JPH1: variants seen among roughly 807,000 people sequenced by gnomAD.
JPH1 encodes the protein junctophilin 1, also known as junctophilin-1.
In JPH1, 12 loss-of-function variants were observed where a neutral mutation model predicts 53.6. The observed-to-expected ratio is 0.22, with a 90% confidence interval of 0.14 to 0.36. The LOEUF (loss-of-function observed/expected upper bound fraction) is 0.36, where lower values mean the gene tolerates loss of function less well. Among genes scored for constraint, JPH1 ranks in the 10% least tolerant of loss-of-function variants. The pLI is 1.00. For synonymous variants in JPH1, 375 were observed against 363.8 expected (o/e 1.03, Z -0.35); for missense variants, 808 against 905.5 (o/e 0.89, Z 1.38).
rs373541776 is a variant in JPH1 at position 74,321,481 on chromosome 8, TTCC to T, written c.-197_-195del. The T allele has an allele frequency of 0.037, 17,839 of 482,328 alleles. 742 individuals are homozygous for T. Among genetic ancestry groups the T allele is most frequent in the African/African-American group, 0.16 (7,979 of 48,612 alleles). 29.9% of individuals were successfully genotyped at this position (482,328 alleles called of 1,614,324 possible). On this transcript the variant is annotated 5_prime_UTR_variant, in exon 1 of 6. Coordinates refer to ENST00000342232, the MANE Select transcript of JPH1 (RefSeq NM_020647.4). This position sits in a 1 kb window ranked among gnomAD's most constrained non-coding sequence, Gnocchi z 4.3. The stretch of plus-strand genomic sequence containing the variant: ...CTCTTTTGCCGCCGCCACCGCCGCC[TTCC>T]TCCTCCTCCTCCTCCTCCTTCGCCG...
intron 2 of JPH1, among the ~76,000 whole-genome samples, chr8:74,308,209 T>C (rs1210496624): frequency 6.6e-6 from 1 of 152,224 alleles, no homozygotes; most frequent in Admixed American, 6.5e-5. Flanking sequence ...TAAGCTGACT[T>C]CCTGGAGTTT....
At chr8:74,279,289 A>T (rs913858575) in intron 2 of JPH1, among the ~76,000 whole-genome samples, 1 of 152,258 alleles carries the variant, frequency 6.6e-6, no homozygotes, top group Non-Finnish European at 1.5e-5. Flanking sequence ...AAATGTTGTC[A>T]ACAGTAATTT....
At chr8:74,240,179 C>T (rs1284704127) in intron 4 of JPH1, among the ~76,000 whole-genome samples, 1 of 152,028 alleles carries the variant, frequency 6.6e-6, no homozygotes, top group Admixed American at 6.5e-5. Flanking sequence ...ACCATGTTGG[C>T]CAGGCTGGTC....
At chr8:74,267,213 G>C (rs1470853103) in intron 2 of JPH1, among the ~76,000 whole-genome samples, 1 of 152,144 alleles carries the variant, frequency 6.6e-6, no homozygotes, top group African/African-American at 2.4e-5. Context: ...AACTGTGAGC[G>C]TCATGTCACA....
In JPH1 at chr8:74,321,314, CGCAGGGGCACGGACGCGG is replaced by C. The variant is rs1470755704; in HGVS notation, c.-45_-28del. 6.6e-7 allele frequency: 1 copy of C among 1,508,898 alleles called. No individual in the cohort carries two copies. The highest frequency in any genetic ancestry group is 2.1e-5 in the Admixed American group (1 of 47,736). The allele number at this position is 1,508,898 out of a possible 1,614,324, so 93.5% of individuals were successfully genotyped here. ...CGGGGGGCAGCCCCGGCGCGCTCCC[CGCAGGGGCACGGACGCGG>C]GCAGTGCTGGGCACGGCAGGGTGTA... On this transcript the variant is annotated 5_prime_UTR_variant, in exon 1 of 6. Coordinates refer to ENST00000342232, the MANE Select transcript of JPH1 (RefSeq NM_020647.4). This position sits in a 1 kb window ranked among gnomAD's most constrained non-coding sequence, Gnocchi z 4.3.
chr8:74,313,123 C>T lies in JPH1; in HGVS notation c.1139+1738G>A, dbSNP rs139935735. 3.6e-3 allele frequency among the ~76,000 whole-genome samples: 550 copies of T among 152,298 alleles called. 1 individual carries two copies. Among genetic ancestry groups the T allele is most frequent in the African/African-American group, 5.1e-3 (213 of 41,550 alleles). ...TTTGTTAAAGTGTTCTGCACAGGTT[C>T]ATTTTTCACCTCCCAAGACTGAGCT... On this transcript the variant is annotated intron_variant, in intron 2 of 5. Transcript: ENST00000342232.
At chr8:74,253,427 A>T (rs1240450669) in intron 3 of JPH1, among the ~76,000 whole-genome samples, 1 of 152,156 alleles carries the variant, frequency 6.6e-6, no homozygotes, top group East Asian at 1.9e-4. Context: ...CTAAATGCCC[A>T]CAAGAGAAAG....
chr8:74,302,151 A>T (rs16938862), intron 2 of JPH1, among the ~76,000 whole-genome samples: 1,635 of 152,334 alleles, frequency 0.011, 24 homozygotes, highest in East Asian at 0.098. Context: ...GCCAAAAGGT[A>T]TCACCCAAAT....
chr8:74,289,585 C>A (rs1421303489), intron 2 of JPH1, among the ~76,000 whole-genome samples: 1 of 152,196 alleles, frequency 6.6e-6, no homozygotes, highest in Non-Finnish European at 1.5e-5. Flanking sequence ...CCCATTTCTA[C>A]CTGCCTAAAT....
At chr8:74,248,944 T>C (rs538972062) in intron 3 of JPH1, among the ~76,000 whole-genome samples, 4 of 152,232 alleles carry the variant, frequency 2.6e-5, no homozygotes, top group African/African-American at 9.6e-5. Context: ...TCTGTTTTTA[T>C]AGACAGTATC....
intron 2 of JPH1, among the ~76,000 whole-genome samples, chr8:74,297,573 AC>A (rs75223865): frequency 0.092 from 14,044 of 152,248 alleles, 795 homozygotes; most frequent in East Asian, 0.19. Context: ...TCCCAGAGGT[AC>A]AGCCCCAGAC....
At position 74,237,231 on chromosome 8, in the gene JPH1, G is replaced by A. The variant is rs1807025719; in HGVS notation, c.1978C>T (p.Leu660=). The A allele has an allele frequency of 6.2e-7, 1 of 1,609,894 alleles. No individual in the cohort carries two copies. The highest frequency in any genetic ancestry group is 8.5e-7 in the Non-Finnish European group (1 of 1,176,544). The change falls in exon 5 of 6, where the codon CTA becomes TTA. Residue 660 remains leucine, a synonymous_variant. Transcript: ENST00000342232. ...ACCTTTCCTAATTCCAATCAAGTTA[G>A]AAAGTGAACAAAAAGAATGGCCAAC... The part of the protein sequence containing the change: ...IGLAILFVHF[L]T
chr8:74,298,353 A>G (rs1213284012), intron 2 of JPH1, among the ~76,000 whole-genome samples: 1 of 152,094 alleles, frequency 6.6e-6, no homozygotes, highest in South Asian at 2.1e-4. Context: ...TTCCTTTACA[A>G]ATTTCAAGGG....
chr8:74,321,335 A>ACGC lies in JPH1; in HGVS notation c.-49_-48insGCG. ...TCCCCGCAGGGGCACGGACGCGGGC[A>ACGC]GTGCTGGGCACGGCAGGGTGTAGCT... On this transcript the variant is annotated 5_prime_UTR_variant, in exon 1 of 6. Coordinates refer to ENST00000342232, the MANE Select transcript of JPH1 (RefSeq NM_020647.4). The surrounding 1 kb of genome is among the most constrained non-coding windows in gnomAD (Gnocchi z 4.3). 6 of 1,465,306 alleles carry ACGC rather than the reference A, an allele frequency of 4.1e-6. No individual in the cohort carries two copies. Among genetic ancestry groups the ACGC allele is most frequent in the Middle Eastern group, 2.2e-4 (1 of 4,456 alleles). 90.8% of individuals were successfully genotyped at this position (1,465,306 alleles called of 1,614,324 possible).
At chr8:74,291,839 T>C (rs963807156) in intron 2 of JPH1, among the ~76,000 whole-genome samples, 1 of 152,216 alleles carries the variant, frequency 6.6e-6, no homozygotes, top group Admixed American at 6.5e-5. Flanking sequence ...TGGAATACTA[T>C]GCAGCCATAA....
At chr8:74,313,740 G>A (rs1023706584) in intron 2 of JPH1, among the ~76,000 whole-genome samples, 2 of 152,072 alleles carry the variant, frequency 1.3e-5, no homozygotes, top group African/African-American at 2.4e-5. Context: ...TCAAAAGGGC[G>A]TTTACTTCTG....
intron 2 of JPH1, among the ~76,000 whole-genome samples, chr8:74,287,921 G>A (rs569730176): frequency 9.3e-5 from 14 of 151,234 alleles, no homozygotes; most frequent in African/African-American, 2.4e-4. Context: ...CATCTATGTC[G>A]TTTTCAATAC....
At position 74,320,887 on chromosome 8, in the gene JPH1, AGCC is replaced by A. The variant is rs946538939; in HGVS notation, c.379+19_379+21del. 5 of 1,494,756 alleles carry A rather than the reference AGCC, an allele frequency of 3.3e-6. No individual in the cohort carries two copies. Among genetic ancestry groups the A allele is most frequent in the Non-Finnish European group, 4.5e-6 (5 of 1,122,914 alleles). 92.6% of individuals were successfully genotyped at this position (1,494,756 alleles called of 1,614,324 possible). A position where few individuals can be genotyped will look rare whatever the true frequency, so the allele number is the denominator to read the frequency against. On this transcript the variant is annotated intron_variant, in intron 1 of 5. Transcript: ENST00000342232. The surrounding 1 kb of genome is among the most constrained non-coding windows in gnomAD (Gnocchi z 4.4). ...ACCGCACCAGCTCGCGGAGCAGCCG[AGCC>A]GCCCGTTACGCCGCTCACCTCCGTC...
intron 5 of JPH1, 29 bp downstream of exon 5, chr8:74,237,178 AT>A (rs1563388997): frequency 7.3e-7 from 1 of 1,370,228 alleles, no homozygotes; most frequent in African/African-American, 1.5e-5. Context: ...ATTTACTATG[AT>A]TTTAGATAGA....
Sources: allele counts gnomAD v4.1 joint callset (sites outside exome capture counted in the v4.1 genomes callset), GRCh38; gene constraint gnomAD v4.1.1; non-coding constraint Gnocchi (gnomAD v3.1); transcripts MANE v1.5; gene names NCBI Gene and HGNC (gene_info 2026-07-23, HGNC 2026-07-21).